The following UGT1A5 variants were observed in gnomAD, a reference collection of about 807,000 sequenced individuals.
The protein encoded by UGT1A5 is UDP-glucuronosyltransferase 1A5.
Under a neutral mutation model 40.3 loss-of-function variants are expected in UGT1A5, and 29 were observed. The observed-to-expected ratio is 0.72, with a 90% CI of 0.54 to 0.98. The LOEUF (loss-of-function observed/expected upper bound fraction) is 0.98. UGT1A5 is among the 50% of genes least tolerant of loss of function. UGT1A5 has a pLI of 0.00. For synonymous variants in UGT1A5, 257 were observed against 262.5 expected, an observed-to-expected ratio of 0.98 and a Z score of 0.20; for missense variants, 678 against 677.9, an observed-to-expected ratio of 1.00 and a Z score of 0.00.
At chr2:233,765,388 A>G (rs776122608) in intron 1 of UGT1A5, among the ~76,000 whole-genome samples, 14 of 152,254 alleles carry the variant, frequency 9.2e-5, no homozygotes, top group Non-Finnish European at 1.5e-4. Flanking sequence ...TGGATAAAGA[A>G]AATGTGGTAC....
intron 1 of UGT1A5, chr2:233,761,044 G>A: frequency 1.9e-6 from 3 of 1,614,190 alleles, no homozygotes; most frequent in Non-Finnish European, 2.5e-6. Context: ...CTCTGCATCT[G>A]TCTGGCTGTT....
intron 4 of UGT1A5, among the ~76,000 whole-genome samples, chr2:233,771,801 TC>T (rs1700390551): frequency 9.1e-6 from 1 of 110,270 alleles, no homozygotes; most frequent in Non-Finnish European, 1.8e-5. Flanking sequence ...CCTCCCTCCC[TC>T]CCTTCCTCCT....
intron 1 of UGT1A5, among the ~76,000 whole-genome samples, chr2:233,717,257 G>A (rs1281570889): frequency 6.6e-6 from 1 of 152,168 alleles, no homozygotes; most frequent in Non-Finnish European, 1.5e-5. Context: ...TAAGGGGGTT[G>A]GAGGAATAGT....
intron 1 of UGT1A5, among the ~76,000 whole-genome samples, chr2:233,748,968 G>A (rs1280348078): frequency 6.6e-6 from 1 of 151,594 alleles, no homozygotes; most frequent in Admixed American, 6.6e-5. Flanking sequence ...TTTCTATAGT[G>A]GGATCTACTT....
At chr2:233,744,043 CA>C (rs1402567766) in intron 1 of UGT1A5, 4 of 743,574 alleles carry the variant, frequency 5.4e-6, no homozygotes, top group Non-Finnish European at 7.6e-6. Flanking sequence ...GACGCAGCCA[CA>C]TCTCATTGGT....
chr2:233,719,060 T>A (rs2076720439), intron 1 of UGT1A5: 2 of 1,614,258 alleles, frequency 1.2e-6, no homozygotes, highest in Middle Eastern at 1.6e-4. Flanking sequence ...TGACAGCCTA[T>A]GCTGTTCCAT....
intron 1 of UGT1A5, chr2:233,756,198 G>A (rs1023408746): frequency 6.6e-6 from 1 of 152,220 alleles, no homozygotes; most frequent in African/African-American, 2.4e-5. Context: ...TAGCAGAGTA[G>A]TCCCTGGTAT....
At chr2:233,724,372 TGCCGGGC>T (rs1434550848) in intron 1 of UGT1A5, among the ~76,000 whole-genome samples, 1 of 143,294 alleles carries the variant, frequency 7.0e-6, no homozygotes, top group Non-Finnish European at 1.5e-5. Context: ...ACGGGGTGGC[TGCCGGGC>T]GGAGACGCTC....
At chr2:233,743,354 T>C in intron 1 of UGT1A5, 1 of 972,108 alleles carries the variant, frequency 1.0e-6, no homozygotes, top group Non-Finnish European at 1.5e-6. Context: ...GACATGGACT[T>C]GAAGCTGCCT....
chr2:233,732,853 A>T (rs1238557082), intron 1 of UGT1A5, among the ~76,000 whole-genome samples: 1 of 149,098 alleles, frequency 6.7e-6, no homozygotes, highest in Admixed American at 6.8e-5. Flanking sequence ...TTGTGAAGTC[A>T]TTGGTAGCTT....
intron 1 of UGT1A5, among the ~76,000 whole-genome samples, chr2:233,738,283 A>G (rs1177396834): frequency 6.6e-6 from 1 of 152,176 alleles, no homozygotes; most frequent in African/African-American, 2.4e-5. Context: ...TTTATAAATT[A>G]CCCAGTCTTG....
rs964213148 is a variant in UGT1A5, at chr2:233,713,486, G to A, written c.495G>A (p.Leu165=). The A allele has an allele frequency of 3.1e-6, 5 of 1,613,870 alleles. No individual in the cohort carries two copies. The Admixed American group carries it at 8.3e-5, about 27-fold the overall frequency. Residue 165 remains leucine (L), a synonymous_variant, in exon 1 of 5, where the codon CTG becomes CTA. Coordinates refer to ENST00000373414, the MANE Select transcript of UGT1A5 (RefSeq NM_019078.2). ...HLCAAVLAKY[L]SIPAVFFLRN... is the part of the protein sequence containing the mutation. ...GCGCGGCGGTGCTGGCTAAGTACCT[G>A]TCGATTCCTGCTGTGTTTTTCTTGA...
chr2:233,719,820 C>G, intron 1 of UGT1A5: 1 of 1,571,826 alleles, frequency 6.4e-7, no homozygotes, highest in Non-Finnish European at 8.6e-7. Context: ...AACAGATAAA[C>G]TGTTGAGGGG....
intron 1 of UGT1A5, among the ~76,000 whole-genome samples, chr2:233,762,481 T>G (rs948381917): frequency 6.6e-6 from 1 of 152,238 alleles, no homozygotes. Flanking sequence ...ATCACTCCAG[T>G]TTTAAATGCT....
chr2:233,772,471 T>C lies in UGT1A5; in HGVS notation c.1517T>C (p.Ile506Thr), dbSNP rs1341191921. The C allele has an allele frequency of 1.2e-6, 2 of 1,614,022 alleles. No homozygotes were observed. The highest frequency in any genetic ancestry group is 1.7e-6 in the Non-Finnish European group (2 of 1,180,036). Residue 506 changes from isoleucine to threonine, a missense_variant, in exon 5 of 5, where the codon ATC (isoleucine) becomes ACC (threonine). Physicochemically the swap from Ile to Thr is moderately conservative, Grantham distance 89. Coordinates refer to ENST00000373414, the MANE Select transcript of UGT1A5 (RefSeq NM_019078.2). Reference sequence around the variant, plus strand: ...GCCGTCGTGCTGACAGTGGCCTTCATCACCTTTAAATGTTGTGCTTATGGC... The same window carrying C: ...GCCGTCGTGCTGACAGTGGCCTTCACCACCTTTAAATGTTGTGCTTATGGC... ...LLAVVLTVAF[I>T]TFKCCAYGYR...
At chr2:233,747,365 C>A (rs954513567) in intron 1 of UGT1A5, 2 of 1,604,254 alleles carry the variant, frequency 1.2e-6, no homozygotes, top group East Asian at 4.5e-5. Context: ...TGCGGGAGCT[C>A]CATGCCAGAG....
At chr2:233,728,228 C>T (rs1162428400) in intron 1 of UGT1A5, among the ~76,000 whole-genome samples, 1 of 152,188 alleles carries the variant, frequency 6.6e-6, no homozygotes. Flanking sequence ...CCATAATCTT[C>T]AGGATGAAAT....
At chr2:233,747,851 C>G in intron 1 of UGT1A5, 1 of 1,613,534 alleles carries the variant, frequency 6.2e-7, no homozygotes, top group Non-Finnish European at 8.5e-7. Context: ...GGGTCAAGAA[C>G]ATGCTCTACC....
Position 233,731,284 on chromosome 2 carries a change from C to CTT in UGT1A5, c.867+17439_867+17440dup, listed in dbSNP as rs78127606. 2.2e-3 allele frequency among the ~76,000 whole-genome samples: 301 copies of CTT among 139,786 alleles called. 4 individuals are homozygous for CTT. Among genetic ancestry groups the CTT allele is most frequent in the African/African-American group, 6.8e-3 (261 of 38,534 alleles). 91.7% of individuals were successfully genotyped at this position (139,786 alleles called of 152,430 possible). A position where few individuals can be genotyped will look rare whatever the true frequency, so the allele number is the denominator to read the frequency against. On this transcript the variant is annotated intron_variant, in intron 1 of 4. Coordinates refer to ENST00000373414, the MANE Select transcript of UGT1A5 (RefSeq NM_019078.2). The stretch of plus-strand genomic sequence containing the variant: ...ACTGTTGCCCTTCCAGTTTTTCTTT[C>CTT]TTTTTTTTTTTTTTATTATACTTTA...
Sources: allele counts gnomAD v4.1 joint callset (sites outside exome capture counted in the v4.1 genomes callset), GRCh38; gene constraint gnomAD v4.1.1; transcripts MANE v1.5; gene names NCBI Gene and HGNC (gene_info 2026-07-23, HGNC 2026-07-21).